Variants in NR3C2 observed in about 807,000 individuals in gnomAD.
NR3C2 encodes mineralocorticoid receptor.
In NR3C2, 15 loss-of-function variants were observed where a neutral mutation model predicts 86.4. That is an observed-to-expected ratio of 0.17 (90% CI 0.12 to 0.27). NR3C2 has a LOEUF of 0.27. Among genes scored for constraint, NR3C2 ranks in the 10% least tolerant of loss-of-function variants. NR3C2 has a pLI of 1.00. For synonymous variants in NR3C2, 458 were observed against 450.5 expected, an observed-to-expected ratio of 1.02 and a Z score of -0.21; for missense variants, 960 against 1,195.6, an observed-to-expected ratio of 0.80 and a Z score of 2.91.
At position 148,175,626 on chromosome 4, in the gene NR3C2, A is replaced by G. The variant is rs1171862584; in HGVS notation, c.2014+19120T>C. Among the ~76,000 whole-genome samples the G allele has an allele frequency of 7.9e-5, 12 of 152,344 alleles. No individual in the cohort carries two copies. In the East Asian group the frequency reaches 2.3e-3, roughly 29 times the overall value. On this transcript the variant is annotated intron_variant, in intron 4 of 8. Transcript: ENST00000358102. ...AAATATATATTTATATGCATGCATT[A>G]TATATCTAATTAACATATGAAAATG...
At chr4:148,261,192 T>TGCACTATGGTAA (rs1740080819) in intron 2 of NR3C2, among the ~76,000 whole-genome samples, 1 of 152,114 alleles carries the variant, frequency 6.6e-6, no homozygotes. Context: ...AGCGCTATGG[T>TGCACTATGGTAA]GCACTATGGT....
At chr4:148,274,759 G>A (rs1579094076) in intron 2 of NR3C2, among the ~76,000 whole-genome samples, 7 of 147,106 alleles carry the variant, frequency 4.8e-5, no homozygotes, top group African/African-American at 1.0e-4. Flanking sequence ...GTGCAATGGC[G>A]TGATTTCGGC....
intron 6 of NR3C2, among the ~76,000 whole-genome samples, chr4:148,131,190 T>C (rs568158766): frequency 1.3e-5 from 2 of 152,156 alleles, no homozygotes; most frequent in Non-Finnish European, 2.9e-5. Context: ...GGAATGTGTG[T>C]GTGTTACATT....
At chr4:148,409,254 G>A (rs1039336231) in intron 2 of NR3C2, among the ~76,000 whole-genome samples, 1 of 152,034 alleles carries the variant, frequency 6.6e-6, no homozygotes, top group Non-Finnish European at 1.5e-5. Context: ...TGAAAAGCAA[G>A]GAATAGGTTT....
chr4:148,293,648 T>C (rs1741901791), intron 2 of NR3C2, among the ~76,000 whole-genome samples: 1 of 152,214 alleles, frequency 6.6e-6, no homozygotes, highest in African/African-American at 2.4e-5. Flanking sequence ...GAGTGCTTTC[T>C]GTGTCATAAA....
At chr4:148,411,463 G>C (rs2126569662) in intron 2 of NR3C2, among the ~76,000 whole-genome samples, 1 of 152,228 alleles carries the variant, frequency 6.6e-6, no homozygotes, top group East Asian at 1.9e-4. Context: ...CCTCTCCAGG[G>C]TCAAGCACTA....
intron 2 of NR3C2, among the ~76,000 whole-genome samples, chr4:148,364,166 T>C (rs1013097135): frequency 1.3e-5 from 2 of 152,208 alleles, no homozygotes; most frequent in Non-Finnish European, 1.5e-5. Flanking sequence ...ACACCATACA[T>C]AGTGCTCAGT....
intron 2 of NR3C2, among the ~76,000 whole-genome samples, chr4:148,283,776 A>C (rs1741372455): frequency 6.6e-6 from 1 of 152,256 alleles, no homozygotes; most frequent in Non-Finnish European, 1.5e-5. Flanking sequence ...TTAGGCAACA[A>C]AGAATGTAGT....
At chr4:148,225,667 C>A (rs993974718) in intron 3 of NR3C2, among the ~76,000 whole-genome samples, 3 of 152,078 alleles carry the variant, frequency 2.0e-5, no homozygotes, top group African/African-American at 7.2e-5. Flanking sequence ...ATCTCAATAT[C>A]TCTTCTGTAC....
rs1240909810 is a variant in NR3C2 at position 148,079,963 on chromosome 4, T to C, written c.*1381A>G. On this transcript the variant is annotated 3_prime_UTR_variant, in exon 9 of 9. Coordinates refer to ENST00000358102, the MANE Select transcript of NR3C2 (RefSeq NM_000901.5). ...TGATCTTTAACAGAGAGAGAGTGCA[T>C]GGAATTTTTTTTTCCCACAGGAGAA... 3 of 152,090 alleles carry C rather than the reference T, an allele frequency of 2.0e-5. No homozygotes were observed. Among genetic ancestry groups the C allele is most frequent in the Non-Finnish European group, 4.4e-5 (3 of 68,016 alleles). 9.4% of individuals were successfully genotyped at this position (152,090 alleles called of 1,614,324 possible). A position where few individuals can be genotyped will look rare whatever the true frequency, so the allele number is the denominator to read the frequency against.
intron 6 of NR3C2, among the ~76,000 whole-genome samples, chr4:148,133,958 C>T (rs1360714743): frequency 1.3e-5 from 2 of 152,168 alleles, no homozygotes; most frequent in African/African-American, 4.8e-5. Flanking sequence ...AAGAAGAAAA[C>T]AGCTAAAGCT....
At chr4:148,138,101 T>C (rs1477540906) in intron 6 of NR3C2, among the ~76,000 whole-genome samples, 1 of 152,092 alleles carries the variant, frequency 6.6e-6, no homozygotes, top group African/African-American at 2.4e-5. Context: ...GCGTAAAGGG[T>C]CCTGAGAACA....
chr4:148,375,286 T>G (rs1366255148), intron 2 of NR3C2, among the ~76,000 whole-genome samples: 1 of 151,978 alleles, frequency 6.6e-6, no homozygotes, highest in Non-Finnish European at 1.5e-5. Flanking sequence ...TGAAACCCCA[T>G]CTCTACTAAA....
At chr4:148,415,352 AT>A (rs1748939937) in intron 2 of NR3C2, among the ~76,000 whole-genome samples, 1 of 152,152 alleles carries the variant, frequency 6.6e-6, no homozygotes, top group Non-Finnish European at 1.5e-5. Flanking sequence ...TTTATGTAGT[AT>A]TTTTATTCTG....
At chr4:148,133,080 C>T (rs536072340) in intron 6 of NR3C2, among the ~76,000 whole-genome samples, 1 of 151,696 alleles carries the variant, frequency 6.6e-6, no homozygotes, top group East Asian at 1.9e-4. Flanking sequence ...ATAGTCCCAG[C>T]TACTTGGGAG....
At chr4:148,208,074 C>T (rs555583607) in intron 3 of NR3C2, 2 of 152,376 alleles carry the variant, frequency 1.3e-5, no homozygotes, top group South Asian at 2.1e-4. Flanking sequence ...CTTAAAATGC[C>T]TAGAACCATG....
intron 4 of NR3C2, among the ~76,000 whole-genome samples, chr4:148,188,742 C>T (rs1474741322): frequency 3.9e-5 from 6 of 152,000 alleles, no homozygotes; most frequent in Admixed American, 1.3e-4. Flanking sequence ...CTTGTCTGAT[C>T]GCTCTGGCTA....
At chr4:148,281,372 G>A (rs1316347431) in intron 2 of NR3C2, among the ~76,000 whole-genome samples, 2 of 152,196 alleles carry the variant, frequency 1.3e-5, no homozygotes, top group Admixed American at 6.5e-5. Flanking sequence ...ATAGTTGAGC[G>A]CTATGGTTCT....
chr4:148,111,657 C>T (rs949061078), intron 8 of NR3C2, among the ~76,000 whole-genome samples: 6 of 152,096 alleles, frequency 3.9e-5, no homozygotes, highest in Non-Finnish European at 4.4e-5. Context: ...AAGAAAAACA[C>T]GACAAATTAT....
Sources: allele counts gnomAD v4.1 joint callset (sites outside exome capture counted in the v4.1 genomes callset), GRCh38; gene constraint gnomAD v4.1.1; transcripts MANE v1.5; gene names NCBI Gene and HGNC (gene_info 2026-07-23, HGNC 2026-07-21).